Variants in EXOC4 observed in about 807,000 individuals in gnomAD.
The protein encoded by EXOC4 is exocyst complex component 4, also known as SEC8-like 1.
Under a neutral mutation model 107.2 loss-of-function variants are expected in EXOC4, and 71 were observed. The ratio of observed to expected loss-of-function variants is 0.66; its 90% confidence interval spans 0.55 to 0.81. EXOC4 has a LOEUF of 0.81. EXOC4 is among the 30% of genes least tolerant of loss of function. The pLI is 0.00. For synonymous variants in EXOC4, 456 were observed against 441.2 expected (o/e 1.03, Z -0.42); for missense variants, 1,108 against 1,189.6 (o/e 0.93, Z 1.01).
chr7:133,726,941 G>A (rs2151112681), intron 10 of EXOC4, among the ~76,000 whole-genome samples: 1 of 152,286 alleles, frequency 6.6e-6, no homozygotes, highest in South Asian at 2.1e-4. Flanking sequence ...TTACGAACCT[G>A]TGACTTTCCT....
chr7:133,399,265 T>TTA (rs201372456), intron 7 of EXOC4, among the ~76,000 whole-genome samples: 1 of 152,162 alleles, frequency 6.6e-6, no homozygotes, highest in Admixed American at 6.5e-5. Flanking sequence ...TTTGTACAGA[T>TTA]TATATATATA....
At chr7:133,811,209 C>T (rs1316216523) in intron 10 of EXOC4, among the ~76,000 whole-genome samples, 1 of 152,158 alleles carries the variant, frequency 6.6e-6, no homozygotes. Flanking sequence ...AAAAGTACTT[C>T]ACGAGATTAA....
chr7:133,514,039 G>T (rs767503439), intron 9 of EXOC4, among the ~76,000 whole-genome samples: 1 of 152,040 alleles, frequency 6.6e-6, no homozygotes, highest in South Asian at 2.1e-4. Flanking sequence ...TTTATTGTTT[G>T]TTATACTCAG....
intron 4 of EXOC4, among the ~76,000 whole-genome samples, chr7:133,316,583 T>C (rs1311604638): frequency 6.6e-6 from 1 of 152,208 alleles, no homozygotes; most frequent in East Asian, 1.9e-4. Flanking sequence ...GTTTTCATGA[T>C]TTAAAATTAA....
chr7:134,063,761 C>T (rs574014722), intron 17 of EXOC4, among the ~76,000 whole-genome samples: 59 of 152,248 alleles, frequency 3.9e-4, no homozygotes, highest in African/African-American at 1.3e-3. Flanking sequence ...TAATAATAAT[C>T]TTTATGAAGC....
intron 12 of EXOC4, among the ~76,000 whole-genome samples, chr7:133,906,426 C>G (rs975624590): frequency 1.3e-5 from 2 of 152,124 alleles, no homozygotes; most frequent in African/African-American, 4.8e-5. Flanking sequence ...CACACCCGAC[C>G]AATCAGGTAG....
Position 133,431,647 on chromosome 7 carries a change from C to T in EXOC4, c.1183-43681C>T, listed in dbSNP as rs917958526. Reference sequence around the variant, plus strand: ...TAATATATGTGTAAATTAAATGTAGCATAGCTTAAGTAAGCATAGATTACC... The same window carrying T: ...TAATATATGTGTAAATTAAATGTAGTATAGCTTAAGTAAGCATAGATTACC... On this transcript the variant is annotated intron_variant, in intron 7 of 17. Coordinates refer to ENST00000253861, the MANE Select transcript of EXOC4 (RefSeq NM_021807.4). Among the ~76,000 whole-genome samples, 3 of 152,162 alleles carry T rather than the reference C, an allele frequency of 2.0e-5. 1 individual carries two copies. The highest frequency in any genetic ancestry group is 4.4e-5 in the Non-Finnish European group (3 of 68,042).
Position 133,309,500 on chromosome 7 carries a change from G to C in EXOC4, c.656+3439G>C, listed in dbSNP as rs149628734. On this transcript the variant is annotated intron_variant, in intron 4 of 17. Transcript: ENST00000253861. ...AATTCTCAGAGATAAACTGTGAGAC[G>C]TACAACCAGAGAACAATAAAGTTGT... Among the ~76,000 whole-genome samples the C allele has an allele frequency of 2.5e-3, 377 of 152,138 alleles. 1 individual carries two copies. Among genetic ancestry groups the C allele is most frequent in the African/African-American group, 9.0e-3 (372 of 41,522 alleles).
At chr7:133,397,125 T>TTTTCC (rs1434280567) in intron 7 of EXOC4, among the ~76,000 whole-genome samples, 68 of 446 alleles carry the variant, frequency 0.15, no homozygotes, top group African/African-American at 0.17. Flanking sequence ...TTTCATTTGG[T>TTTTCC]TTTCTTTTCT....
Position 133,856,584 on chromosome 7 carries a change from G to T in EXOC4, c.1735-39015G>T, listed in dbSNP as rs574795756. On this transcript the variant is annotated intron_variant, in intron 11 of 17. Transcript: ENST00000253861. Reference sequence around the variant, plus strand: ...AAATGTGTTGAATGAATAAATGTGTGATTTTTATCATCTTCCATACATTTT... The same window carrying T: ...AAATGTGTTGAATGAATAAATGTGTTATTTTTATCATCTTCCATACATTTT... Among the ~76,000 whole-genome samples the T allele has an allele frequency of 2.6e-5, 4 of 152,236 alleles. No homozygotes were observed. The South Asian group carries it at 8.3e-4, about 32-fold the overall frequency.
chr7:133,959,898 GT>G (rs2116830715), intron 14 of EXOC4, among the ~76,000 whole-genome samples: 1 of 152,184 alleles, frequency 6.6e-6, no homozygotes, highest in East Asian at 1.9e-4. Flanking sequence ...GAATACGGAC[GT>G]TTTCAGACAT....
At chr7:133,302,393 C>G (rs1316516376) in intron 3 of EXOC4, among the ~76,000 whole-genome samples, 21 of 152,184 alleles carry the variant, frequency 1.4e-4, no homozygotes, top group Non-Finnish European at 2.2e-4. Context: ...TGAAAAAATT[C>G]ACTGGTAGTC....
At chr7:133,510,782 C>A (rs941455985) in intron 9 of EXOC4, among the ~76,000 whole-genome samples, 1 of 152,144 alleles carries the variant, frequency 6.6e-6, no homozygotes, top group East Asian at 1.9e-4. Context: ...ATAGTTTATT[C>A]ATTCACTAAG....
At chr7:133,333,435 G>GT (rs757343495) in intron 5 of EXOC4, among the ~76,000 whole-genome samples, 1,683 of 147,848 alleles carry the variant, frequency 0.011, 16 homozygotes, top group Non-Finnish European at 0.019. Flanking sequence ...AGGAGATCTG[G>GT]TTTTTTTTTT....
intron 13 of EXOC4, among the ~76,000 whole-genome samples, chr7:133,933,585 G>A (rs908910783): frequency 2.6e-5 from 4 of 152,172 alleles, no homozygotes; most frequent in Non-Finnish European, 5.9e-5. Context: ...ATCATAATAA[G>A]CAGAAGATGA....
chr7:133,256,655 G>T (rs1795026327), intron 1 of EXOC4, among the ~76,000 whole-genome samples: 1 of 151,982 alleles, frequency 6.6e-6, no homozygotes, highest in African/African-American at 2.4e-5. Flanking sequence ...TAATTCTCTT[G>T]CTCAGATGTG....
At chr7:133,522,058 C>A (rs1799991742) in intron 9 of EXOC4, among the ~76,000 whole-genome samples, 1 of 151,888 alleles carries the variant, frequency 6.6e-6, no homozygotes, top group African/African-American at 2.4e-5. Context: ...AAAAGTATTT[C>A]ATCAATATTT....
chr7:133,875,898 G>A (rs953841713), intron 11 of EXOC4, among the ~76,000 whole-genome samples: 18 of 152,198 alleles, frequency 1.2e-4, no homozygotes, highest in African/African-American at 3.9e-4. Flanking sequence ...GTTTTTACTG[G>A]AAACAACAAA....
chr7:133,812,683 G>A (rs73437304), intron 10 of EXOC4, among the ~76,000 whole-genome samples: 2,160 of 152,002 alleles, frequency 0.014, 64 homozygotes, highest in African/African-American at 0.051. Context: ...ATACATATAC[G>A]TTGTGGGATG....
Sources: gnomAD v4.1 joint callset for allele counts (sites outside exome capture counted in the v4.1 genomes callset) on GRCh38, gnomAD v4.1.1 for gene constraint, MANE v1.5 for transcripts, NCBI Gene and HGNC (gene_info 2026-07-23, HGNC 2026-07-21) for gene names.